Variants in MYH11 observed in about 807,000 individuals in gnomAD.
The protein encoded by MYH11 is myosin heavy chain 11.
In MYH11, 80 loss-of-function variants were observed where a neutral mutation model predicts 246.6. The ratio of observed to expected loss-of-function variants is 0.32; its 90% confidence interval spans 0.27 to 0.39. The LOEUF (loss-of-function observed/expected upper bound fraction) is 0.39. Among genes scored for constraint, MYH11 ranks in the 10% least tolerant of loss-of-function variants. The pLI is 1.00. For missense variants in MYH11, 2,158 were observed against 2,546.8 expected, an observed-to-expected ratio of 0.85 and a Z score of 3.29; for synonymous variants, 1,071 against 1,015.5, an observed-to-expected ratio of 1.05 and a Z score of -1.04.
Position 15,753,404 on chromosome 16 carries a change from C to T in MYH11, c.1854G>A (p.Leu618=). ...CAGAGAAGGCCTTACCGTCCTTCCA[C>T]AGGTCGGCCACAAACTTGTCGGAGG... ...NASSDKFVAD[L]WKDVDRIVGL... The change falls in exon 15 of 41, where the codon CTG becomes CTA. Residue 618 remains leucine (L), a synonymous_variant. Coordinates refer to ENST00000300036, the MANE Select transcript of MYH11 (RefSeq NM_002474.3). 1 of 1,614,066 alleles carries T rather than the reference C, an allele frequency of 6.2e-7. No individual in the cohort carries two copies. The highest frequency in any genetic ancestry group is 8.5e-7 in the Non-Finnish European group (1 of 1,179,968).
rs12935136 is a variant in MYH11, at chr16:15,709,133, G to T, written c.5787-5010C>A. ...ATTTTTGTATTTTTAGTACAGATGG[G>T]GTTGCACTATGTTGGTCAGGCTTGT... On this transcript the variant is annotated intron_variant, in intron 40 of 40. Transcript: ENST00000300036. Among the ~76,000 whole-genome samples, 348 of 151,370 alleles carry T rather than the reference G, an allele frequency of 2.3e-3. 2 individuals carry two copies. The highest frequency in any genetic ancestry group is 0.01 in the Middle Eastern group (3 of 292).
At chr16:15,782,644 A>G in intron 5 of MYH11, 167 bp from the exon 6 acceptor site, 1 of 635,182 alleles carries the variant, frequency 1.6e-6, no homozygotes, top group Non-Finnish European at 2.8e-6. Context: ...GGAGGATTTC[A>G]GAAGAGAAGC....
At chr16:15,822,482 C>T (rs1000568481) in intron 3 of MYH11, among the ~76,000 whole-genome samples, 9 of 152,000 alleles carry the variant, frequency 5.9e-5, no homozygotes, top group Non-Finnish European at 1.0e-4. Context: ...AGTTTGAGAC[C>T]AACCAGTATA....
At chr16:15,748,578 G>A (rs1228252385) in intron 16 of MYH11, among the ~76,000 whole-genome samples, 2 of 151,986 alleles carry the variant, frequency 1.3e-5, no homozygotes, top group Non-Finnish European at 2.9e-5. Context: ...CCACCCACCT[G>A]GTCTCTCTCT....
At chr16:15,760,011 C>A (rs183412147) in intron 11 of MYH11, among the ~76,000 whole-genome samples, 46 of 152,112 alleles carry the variant, frequency 3.0e-4, no homozygotes, top group African/African-American at 9.9e-4. Flanking sequence ...GCAGGAGAAT[C>A]GTTTGAATCT....
chr16:15,722,344 A>G (rs1455331483), intron 31 of MYH11, among the ~76,000 whole-genome samples: 1 of 152,218 alleles, frequency 6.6e-6, no homozygotes, highest in Non-Finnish European at 1.5e-5. Flanking sequence ...GTGGCCCTGC[A>G]CACATATCTC....
intron 5 of MYH11, chr16:15,784,969 G>T: frequency 4.8e-6 from 2 of 418,430 alleles, no homozygotes; most frequent in Non-Finnish European, 8.6e-6. Flanking sequence ...AAGTAGCTAA[G>T]ACTACAGGCA....
intron 40 of MYH11, chr16:15,713,583 C>G (rs1049888599): frequency 1.3e-5 from 2 of 151,988 alleles, no homozygotes; most frequent in African/African-American, 4.8e-5. Flanking sequence ...GCAGCCTTGA[C>G]CTCTGGGGCT....
chr16:15,798,675 T>C lies in MYH11; in HGVS notation c.515A>G (p.Gln172Arg). The C allele has an allele frequency of 6.2e-7, 1 of 1,608,784 alleles. No homozygotes were observed. Among genetic ancestry groups the C allele is most frequent in the South Asian group, 1.1e-5 (1 of 90,720 alleles). ...TTCCACTTACGTGCATAGAATGGACTGGTCCTCCCGATCTGCAAACAGAAA... is the reference window on the plus strand; with the variant it reads ...TTCCACTTACGTGCATAGAATGGACCGGTCCTCCCGATCTGCAAACAGAAA... ...YRSMLQDRED[Q>R]SILCTGESGA... is the part of the protein sequence containing the mutation. The change falls in exon 4 of 41, where the codon CAG becomes CGG. Residue 172 changes from glutamine to arginine, a missense_variant. Physicochemically the swap from Gln to Arg is conservative, Grantham distance 43. Transcript: ENST00000300036.
intron 5 of MYH11, chr16:15,784,689 G>C (rs1482850005): frequency 6.2e-7 from 1 of 1,613,832 alleles, no homozygotes; most frequent in South Asian, 1.1e-5. Flanking sequence ...AACACTCTCA[G>C]TTACTCACGT....
chr16:15,764,834 G>A (rs1163232188), intron 9 of MYH11, among the ~76,000 whole-genome samples: 1 of 152,202 alleles, frequency 6.6e-6, no homozygotes. Flanking sequence ...AAAACCCTGT[G>A]CTTCTTACAT....
chr16:15,746,960 C>T (rs1461823573), intron 19 of MYH11, among the ~76,000 whole-genome samples: 5 of 151,946 alleles, frequency 3.3e-5, no homozygotes, highest in Non-Finnish European at 5.9e-5. Flanking sequence ...TGGTGGTGGG[C>T]GCCTCTAATT....
At chr16:15,770,457 T>C (rs1031126656) in intron 9 of MYH11, among the ~76,000 whole-genome samples, 1 of 152,218 alleles carries the variant, frequency 6.6e-6, no homozygotes, top group African/African-American at 2.4e-5. Flanking sequence ...GGAAACACAG[T>C]GTCCCGACCA....
chr16:15,839,821 AG>A (rs200168985), intron 1 of MYH11, among the ~76,000 whole-genome samples: 5,369 of 152,132 alleles, frequency 0.035, 338 homozygotes, highest in African/African-American at 0.12. Flanking sequence ...AGGCCAAGGC[AG>A]GGGGGATCAC....
At chr16:15,811,449 G>A (rs937251073) in intron 3 of MYH11, among the ~76,000 whole-genome samples, 3 of 152,114 alleles carry the variant, frequency 2.0e-5, no homozygotes, top group Non-Finnish European at 2.9e-5. Context: ...TCAGTTCTGG[G>A]GCCAAGTAGG....
chr16:15,779,713 G>A (rs552282899), intron 6 of MYH11, among the ~76,000 whole-genome samples: 18 of 152,268 alleles, frequency 1.2e-4, no homozygotes, highest in African/African-American at 4.1e-4. Flanking sequence ...GGCAGGAATG[G>A]CTCATGTTCC....
At chr16:15,762,303 C>T (rs1177264099) in intron 10 of MYH11, among the ~76,000 whole-genome samples, 1 of 152,154 alleles carries the variant, frequency 6.6e-6, no homozygotes, top group East Asian at 1.9e-4. Context: ...AACACAAGAA[C>T]CCTTTCCCAA....
intron 4 of MYH11, among the ~76,000 whole-genome samples, chr16:15,788,095 T>TTTTTTTTTTTTTTTTTTTTTTGTTA: frequency 1.0e-5 from 1 of 99,488 alleles, no homozygotes; most frequent in Non-Finnish European, 2.1e-5. Context: ...TTTTTTTTTT[T>TTTTTTTTTTTTTTTTTTTTTTGTTA]ACCAAGATGG....
At chr16:15,725,931 C>T in intron 28 of MYH11, 1 of 372,366 alleles carries the variant, frequency 2.7e-6, no homozygotes, top group Non-Finnish European at 4.8e-6. Context: ...GTACAAGCTC[C>T]CCCTCCAACC....
Sources: allele counts gnomAD v4.1 joint callset (sites outside exome capture counted in the v4.1 genomes callset), GRCh38; gene constraint gnomAD v4.1.1; transcripts MANE v1.5; gene names NCBI Gene and HGNC (gene_info 2026-07-23, HGNC 2026-07-21).